Variants in EVI5L observed in about 807,000 individuals in gnomAD.
The protein encoded by EVI5L is ecotropic viral integration site 5 like.
A neutral mutation model predicts 106.1 loss-of-function variants in EVI5L; 30 were observed. The ratio of observed to expected loss-of-function variants is 0.28; its 90% confidence interval spans 0.21 to 0.38. The LOEUF is 0.38. Ranked by LOEUF, EVI5L falls within the 10% of genes least tolerant of loss-of-function variation. The pLI is 1.00. For synonymous variants in EVI5L, 489 were observed against 483.3 expected (o/e 1.01, Z -0.15); for missense variants, 809 against 1,098.0 (o/e 0.74, Z 3.72).
intron 10 of EVI5L, among the ~76,000 whole-genome samples, chr19:7,853,818 C>G (rs974699935): frequency 5.2e-4 from 79 of 152,278 alleles, no homozygotes; most frequent in Admixed American, 2.7e-3. Context: ...ACGCAGGGCC[C>G]AGACACCAGG....
chr19:7,860,659 G>A lies in EVI5L; in HGVS notation c.1473G>A (p.Glu491=). 1 of 1,592,964 alleles carries A rather than the reference G, an allele frequency of 6.3e-7. No homozygotes were observed. The highest frequency in any genetic ancestry group is 8.5e-7 in the Non-Finnish European group (1 of 1,169,972). The part of the protein sequence containing the change: ...RETETLGALR[E]MQDKVLDMEK... ...CGGAGACACTGGGGGCCCTTCGGGA[G>A]ATGCAGGACAAGGTTCTCGACATGG... is the stretch of plus-strand genomic sequence containing the variant. The change falls in exon 14 of 20, where the codon GAG becomes GAA. Residue 491 remains glutamate, a synonymous_variant. Transcript: ENST00000538904.
rs1979510256 is a variant in EVI5L, at chr19:7,856,131, T to C, written c.1200+63T>C. The C allele has an allele frequency of 7.7e-7, 1 of 1,300,314 alleles. No homozygotes were observed. Among genetic ancestry groups the C allele is most frequent in the Non-Finnish European group, 9.9e-7 (1 of 1,010,140 alleles). 80.5% of individuals were successfully genotyped at this position (1,300,314 alleles called of 1,614,324 possible). On this transcript the variant is annotated intron_variant, in intron 11 of 19. Transcript: ENST00000538904. The surrounding 1 kb of genome is among the most constrained non-coding windows in gnomAD (Gnocchi z 6.6). ...GGGGTGTGACCCACCATGCGGGGCA[T>C]GGCCGCTAACCTGGGGTGGACTCCT...
rs772929408 is a variant in EVI5L, at chr19:7,856,026, G to A, written c.1158G>A (p.Thr386=). ...EEQIEIKRLR[T]ENRLLKQRIE... ...CCCCACCCCCATAGAGACTTCGGAC[G>A]GAGAACCGGCTCCTGAAACAGCGGA... Residue 386 remains threonine (T), a synonymous_variant, in exon 11 of 20, where the codon ACG becomes ACA. Transcript: ENST00000538904. The surrounding 1 kb of genome is among the most constrained non-coding windows in gnomAD (Gnocchi z 6.6). 9 of 1,328,186 alleles carry A rather than the reference G, an allele frequency of 6.8e-6. No individual in the cohort carries two copies. Among genetic ancestry groups the A allele is most frequent in the Non-Finnish European group, 8.7e-6 (9 of 1,029,346 alleles). The allele number at this position is 1,328,186 out of a possible 1,614,324, so 82.3% of individuals were successfully genotyped here. A position where few individuals can be genotyped will look rare whatever the true frequency, so the allele number is the denominator to read the frequency against.
At chr19:7,862,575 C>A in intron 17 of EVI5L, 41 bp downstream of exon 17, 1 of 1,374,960 alleles carries the variant, frequency 7.3e-7, no homozygotes, top group Non-Finnish European at 9.4e-7. Context: ...TGGCACCGCC[C>A]CCGGACGCGC....
rs768028731 is a variant in EVI5L, at chr19:7,863,447, G to T, written c.2163G>T (p.Pro721=). 1.2e-4 allele frequency: 183 copies of T among 1,552,744 alleles called. No homozygotes were observed. The highest frequency in any genetic ancestry group is 1.5e-4 in the Non-Finnish European group (178 of 1,149,848). The change falls in exon 20 of 20, where the codon CCG becomes CCT. Residue 721 remains proline (P), a synonymous_variant. Coordinates refer to ENST00000538904, the MANE Select transcript of EVI5L (RefSeq NM_001159944.3). The surrounding 1 kb of genome is among the most constrained non-coding windows in gnomAD (Gnocchi z 7.7). ...AGGTGCGGCTGCTGAAGGGCCCGCC[G>T]CCCTTCGAGGACCCGCTGGCTTTCG... ...KAEVRLLKGP[P]PFEDPLAFDG...
rs189766318 is a variant in EVI5L at position 7,840,792 on chromosome 19, G to A, written c.-47-5704G>A. On this transcript the variant is annotated intron_variant, in intron 1 of 19. Transcript: ENST00000538904. ...GTTCATCCATGCTGTGGCCTGTCTC[G>A]GTGCTTCACTCCTTTTCATGGCTAA... Among the ~76,000 whole-genome samples the A allele has an allele frequency of 2.7e-3, 416 of 152,068 alleles. 1 individual carries two copies. Among genetic ancestry groups the A allele is most frequent in the African/African-American group, 9.4e-3 (391 of 41,478 alleles).
chr19:7,846,525 C>A lies in EVI5L; in HGVS notation c.-18C>A. 1 of 1,601,262 alleles carries A rather than the reference C, an allele frequency of 6.2e-7. No homozygotes were observed. ...AGCTGTGAACCAACCCCGCTCACGG[C>A]TAACAAGCCCACCCACCATGGCGAG... is the stretch of plus-strand genomic sequence containing the variant. On this transcript the variant is annotated 5_prime_UTR_variant, in exon 2 of 20. Coordinates refer to ENST00000538904, the MANE Select transcript of EVI5L (RefSeq NM_001159944.3).
rs559136187 is a variant in EVI5L at position 7,852,496 on chromosome 19, C to A, written c.988-590C>A. 1.1e-4 allele frequency among the ~76,000 whole-genome samples: 16 copies of A among 152,102 alleles called. No homozygotes were observed. In the South Asian group the frequency reaches 2.7e-3, roughly 26 times the overall value. ...AGGTCCCCTCTGTCAGACCCCCCGA[C>A]CCTCAGCCTTCACTCCCAGGAGAGC... is the stretch of plus-strand genomic sequence containing the variant. On this transcript the variant is annotated intron_variant, in intron 8 of 19. Coordinates refer to ENST00000538904, the MANE Select transcript of EVI5L (RefSeq NM_001159944.3).
intron 7 of EVI5L, 48 bp from the exon 8 acceptor site, chr19:7,851,633 A>G: frequency 6.3e-7 from 1 of 1,594,340 alleles, no homozygotes; most frequent in Non-Finnish European, 8.5e-7. Flanking sequence ...TGGTTGGAAC[A>G]GGAGCCTCCC....
intron 8 of EVI5L, chr19:7,852,821 G>A (rs1169843947): frequency 6.7e-6 from 3 of 449,568 alleles, no homozygotes; most frequent in Non-Finnish European, 1.2e-5. Context: ...TTAAATCATT[G>A]GGATTATATG....
In EVI5L at chr19:7,848,803, T is replaced by G; in HGVS notation, c.328-118T>G. 8.0e-5 allele frequency: 71 copies of G among 891,384 alleles called. No homozygotes were observed. Among genetic ancestry groups the G allele is most frequent in the Non-Finnish European group, 1.1e-4 (66 of 589,078 alleles). The allele number at this position is 891,384 out of a possible 1,614,324, so 55.2% of individuals were successfully genotyped here. On this transcript the variant is annotated intron_variant, in intron 3 of 19. Coordinates refer to ENST00000538904, the MANE Select transcript of EVI5L (RefSeq NM_001159944.3). This position sits in a 1 kb window ranked among gnomAD's most constrained non-coding sequence, Gnocchi z 4.8. ...GGGGTAAAAAAAGGATTGGGGACCA[T>G]GAGTTCTGTGCCATGCTTGAGGCCT...
rs1979609182 is a variant in EVI5L, at chr19:7,857,901, C to G, written c.1234-290C>G. 7.4e-6 allele frequency: 3 copies of G among 407,522 alleles called. No homozygotes were observed. In the Admixed American group the frequency reaches 1.2e-4, roughly 16 times the overall value. The allele number at this position is 407,522 out of a possible 1,614,324, so 25.2% of individuals were successfully genotyped here. A position where few individuals can be genotyped will look rare whatever the true frequency, so the allele number is the denominator to read the frequency against. ...CCTCGCTGTGCCCCTGGATAAGGAT[C>G]CCAACTGGGGCAGAGACTGAGAGCC... On this transcript the variant is annotated intron_variant, in intron 12 of 19. Coordinates refer to ENST00000538904, the MANE Select transcript of EVI5L (RefSeq NM_001159944.3). The surrounding 1 kb of genome is among the most constrained non-coding windows in gnomAD (Gnocchi z 4.5).
rs747444296 is a variant in EVI5L, at chr19:7,850,029, G to A, written c.660G>A (p.Val220=). The A allele has an allele frequency of 1.9e-6, 3 of 1,602,654 alleles. No individual in the cohort carries two copies. The African/African-American group carries it at 4.0e-5, about 21-fold the overall frequency. Residue 220 remains valine (V), a synonymous_variant, in exon 6 of 20, where the codon GTG becomes GTA. Transcript: ENST00000538904. The surrounding 1 kb of genome is among the most constrained non-coding windows in gnomAD (Gnocchi z 5.4). ...MPEEEAFCVF[V]RLMQEYRLRE... ...AGGAGGAGGCCTTCTGTGTGTTCGT[G>A]CGGCTGATGCAGGAGTACCGGCTGC...
At chr19:7,851,960 C>T (rs1979273055) in intron 8 of EVI5L, among the ~76,000 whole-genome samples, 190 bp downstream of exon 8, 1 of 152,190 alleles carries the variant, frequency 6.6e-6, no homozygotes, top group African/African-American at 2.4e-5. Context: ...CCCCTAGGCT[C>T]TGCCAGACAC....
chr19:7,842,818 C>G (rs1156289666), intron 1 of EVI5L, among the ~76,000 whole-genome samples: 1 of 148,490 alleles, frequency 6.7e-6, no homozygotes, highest in Non-Finnish European at 1.5e-5. Context: ...CGAGTGTGCA[C>G]ATGTGTGTGT....
chr19:7,831,522 G>A (rs1391776967), intron 1 of EVI5L, among the ~76,000 whole-genome samples: 1 of 152,092 alleles, frequency 6.6e-6, no homozygotes, highest in Non-Finnish European at 1.5e-5. Flanking sequence ...CTGGAGCCTT[G>A]GAGGGTGACA....
At chr19:7,859,863 C>T (rs935399364) in intron 13 of EVI5L, among the ~76,000 whole-genome samples, 3 of 152,248 alleles carry the variant, frequency 2.0e-5, no homozygotes, top group Admixed American at 6.5e-5. Flanking sequence ...GGCAGAGCCA[C>T]CGTCACACGT....
chr19:7,855,323 C>T (rs1954154677), intron 10 of EVI5L, among the ~76,000 whole-genome samples: 3 of 152,028 alleles, frequency 2.0e-5, no homozygotes, highest in Non-Finnish European at 1.5e-5. Context: ...AACTCCTGAC[C>T]TCAGGTGATT....
At chr19:7,861,737 C>T in intron 14 of EVI5L, 141 bp from the exon 15 acceptor site, 1 of 1,139,606 alleles carries the variant, frequency 8.8e-7, no homozygotes, top group Middle Eastern at 2.7e-4. Context: ...TCCCCGTGGG[C>T]CTTGTCAAGG....
Sources: gnomAD v4.1 joint callset for allele counts (sites outside exome capture counted in the v4.1 genomes callset) on GRCh38, gnomAD v4.1.1 for gene constraint, Gnocchi (gnomAD v3.1) non-coding constraint, MANE v1.5 for transcripts, NCBI Gene and HGNC (gene_info 2026-07-23, HGNC 2026-07-21) for gene names.